The following SASH1 variants were observed in gnomAD, a reference collection of about 807,000 sequenced individuals.
The protein encoded by SASH1 is SAM and SH3 domain-containing protein 1.
SASH1 carries 44 observed loss-of-function variants against 125.2 expected under a neutral mutation model. That is an observed-to-expected ratio of 0.35 (90% CI 0.28 to 0.45). The LOEUF (loss-of-function observed/expected upper bound fraction) is 0.45. SASH1 is among the 20% of genes least tolerant of loss of function. The pLI is 1.00. For synonymous variants in SASH1, 639 were observed against 649.1 expected (o/e 0.98, Z 0.24); for missense variants, 1,426 against 1,614.5 (o/e 0.88, Z 2.00).
the SASH1 span, among the ~76,000 whole-genome samples, chr6:148,209,850 T>C: frequency 6.6e-6 from 1 of 152,184 alleles, no homozygotes; most frequent in East Asian, 1.9e-4. Context: ...GTGATCACTC[T>C]TGGAGACTGT....
chr6:148,520,527 T>A (rs1447117765), intron 10 of SASH1: 1 of 152,644 alleles, frequency 6.6e-6, no homozygotes, highest in Non-Finnish European at 1.5e-5. Context: ...CACCTTCAAT[T>A]TCAAATCCTG....
chr6:148,433,784 G>A (rs1776162719), intron 2 of SASH1, among the ~76,000 whole-genome samples: 2 of 152,078 alleles, frequency 1.3e-5, no homozygotes, highest in South Asian at 4.1e-4. Context: ...AGTTTGTAAT[G>A]TTAATGAGAT....
chr6:148,496,881 G>GA (rs545900493), intron 8 of SASH1, among the ~76,000 whole-genome samples: 4,430 of 138,016 alleles, frequency 0.032, 78 homozygotes, highest in Non-Finnish European at 0.048. Context: ...TCAAAAAAAA[G>GA]AAAAAAAAAA....
chr6:148,368,602 G>A (rs572192263), intron 1 of SASH1, among the ~76,000 whole-genome samples: 304 of 152,280 alleles, frequency 2.0e-3, no homozygotes, highest in African/African-American at 6.8e-3. Flanking sequence ...ATGTGGCAGT[G>A]GACATGGAAC....
At chr6:148,543,013 T>G (rs74702397) in intron 17 of SASH1, among the ~76,000 whole-genome samples, 10,174 of 152,288 alleles carry the variant, frequency 0.067, 520 homozygotes, top group East Asian at 0.28. Context: ...ATAAGTAGAT[T>G]ATGTCTGGTT....
chr6:148,327,243 G>A (rs888712015), intron 1 of SASH1, among the ~76,000 whole-genome samples: 5 of 139,702 alleles, frequency 3.6e-5, no homozygotes, highest in South Asian at 4.9e-4. Flanking sequence ...ACGAACGGAC[G>A]AATGAATGAA....
intron 2 of SASH1, among the ~76,000 whole-genome samples, chr6:148,396,495 A>G (rs902336679): frequency 6.6e-6 from 1 of 151,484 alleles, no homozygotes; most frequent in East Asian, 1.9e-4. Context: ...AAAAAAAAAA[A>G]AAAAAAAAGA....
At chr6:148,212,027 G>T in the SASH1 span, among the ~76,000 whole-genome samples, 4 of 152,182 alleles carry the variant, frequency 2.6e-5, no homozygotes, top group Admixed American at 6.5e-5. Flanking sequence ...CTCAGCTTCA[G>T]GAAAAGAGTG....
chr6:148,273,956 G>A (rs1779125069), intron 1 of SASH1, among the ~76,000 whole-genome samples: 1 of 152,228 alleles, frequency 6.6e-6, no homozygotes, highest in African/African-American at 2.4e-5. Context: ...GTCAGTTTGG[G>A]CATTTAACCT....
At chr6:148,537,369 A>T (rs1218374472) in intron 16 of SASH1, among the ~76,000 whole-genome samples, 4 of 152,170 alleles carry the variant, frequency 2.6e-5, no homozygotes, top group Non-Finnish European at 1.5e-5. Context: ...GCCCAGACCC[A>T]CTATCTTAGG....
At chr6:148,546,842 T>C (rs956266047) in intron 19 of SASH1, among the ~76,000 whole-genome samples, 1 of 152,094 alleles carries the variant, frequency 6.6e-6, no homozygotes, top group African/African-American at 2.4e-5. Context: ...CGAAACCTGA[T>C]TGTTGGCTAT....
intron 1 of SASH1, among the ~76,000 whole-genome samples, chr6:148,334,686 C>G (rs947176692): frequency 2.6e-5 from 4 of 151,364 alleles, no homozygotes; most frequent in Non-Finnish European, 1.5e-5. Context: ...GTGGCACGCG[C>G]GTGTAATCCT....
intron 1 of SASH1, among the ~76,000 whole-genome samples, chr6:148,311,098 T>TC (rs1780314991): frequency 2.1e-5 from 3 of 143,642 alleles, no homozygotes; most frequent in African/African-American, 7.8e-5. Context: ...TCTTTTCTTT[T>TC]TTTTTTTCTT....
intron 8 of SASH1, 50 bp downstream of exon 8, chr6:148,487,765 C>T (rs1583240835): frequency 7.9e-7 from 1 of 1,269,152 alleles, no homozygotes. Context: ...CGATAAGGGA[C>T]AGTCTTCACC....
chr6:148,345,355 A>C (rs1052733919), intron 1 of SASH1, among the ~76,000 whole-genome samples: 3 of 152,210 alleles, frequency 2.0e-5, no homozygotes, highest in Non-Finnish European at 4.4e-5. Flanking sequence ...GGGCTTCAGA[A>C]GCTCAAACCT....
chr6:148,489,850 C>CTGTGTGTGTGTGTGTG (rs151183028), intron 8 of SASH1, among the ~76,000 whole-genome samples: 5 of 136,574 alleles, frequency 3.7e-5, no homozygotes, highest in South Asian at 2.4e-4. Context: ...GCTATATAGG[C>CTGTGTGTGTGTGTGTG]TGTGTGTGTG....
At chr6:148,267,645 T>C, upstream of SASH1, among the ~76,000 whole-genome samples, 1 of 152,164 alleles carries the variant, frequency 6.6e-6, no homozygotes, top group Non-Finnish European at 1.5e-5. Flanking sequence ...CCCAAAGTGC[T>C]GGGATTACAG....
At chr6:148,311,349 C>G (rs1780325036) in intron 1 of SASH1, among the ~76,000 whole-genome samples, 1 of 151,848 alleles carries the variant, frequency 6.6e-6, no homozygotes, top group South Asian at 2.1e-4. Flanking sequence ...TTGTGATTCA[C>G]CTGCCTTGGC....
intron 1 of SASH1, among the ~76,000 whole-genome samples, chr6:148,290,885 T>TAA (rs58070477): frequency 0.092 from 12,766 of 138,566 alleles, 757 homozygotes; most frequent in Admixed American, 0.13. Context: ...AAAAAAAAGT[T>TAA]AAAAAAAAAA....
Sources: gnomAD v4.1 joint callset for allele counts (sites outside exome capture counted in the v4.1 genomes callset) on GRCh38, gnomAD v4.1.1 for gene constraint, MANE v1.5 for transcripts, NCBI Gene and HGNC (gene_info 2026-07-23, HGNC 2026-07-21) for gene names.